SMAP1: variants seen among roughly 807,000 people sequenced by gnomAD.
SMAP1 encodes stromal membrane-associated protein 1.
A neutral mutation model predicts 58.5 loss-of-function variants in SMAP1; 24 were observed. The ratio of observed to expected loss-of-function variants is 0.41; its 90% CI spans 0.30 to 0.58. SMAP1 has a LOEUF of 0.58. SMAP1 is among the 20% of genes least tolerant of loss of function. The pLI is 0.29. For synonymous variants in SMAP1, 216 were observed against 196.6 expected, an observed-to-expected ratio of 1.10 and a Z score of -0.82; for missense variants, 563 against 566.3, an observed-to-expected ratio of 0.99 and a Z score of 0.06.
intron 4 of SMAP1, 141 bp downstream of exon 4, chr6:70,773,566 T>C (rs776704758): frequency 4.6e-5 from 24 of 524,276 alleles, no homozygotes; most frequent in Admixed American, 1.2e-4. Flanking sequence ...TTTTTGGTTA[T>C]ATAATGTTGA....
intron 6 of SMAP1, among the ~76,000 whole-genome samples, chr6:70,804,218 T>C (rs752341970): frequency 6.6e-6 from 1 of 152,186 alleles, no homozygotes; most frequent in African/African-American, 2.4e-5. Flanking sequence ...CTTATTGAAT[T>C]GATCCCTTTA....
chr6:70,846,310 T>C (rs1770986250), intron 7 of SMAP1, among the ~76,000 whole-genome samples: 1 of 152,114 alleles, frequency 6.6e-6, no homozygotes, highest in Non-Finnish European at 1.5e-5. Context: ...TTTCAATTAA[T>C]CATGTATTGA....
At chr6:70,821,065 C>T (rs1318254946) in intron 6 of SMAP1, among the ~76,000 whole-genome samples, 3 of 149,238 alleles carry the variant, frequency 2.0e-5, no homozygotes, top group Admixed American at 6.6e-5. Context: ...GTTAGGATTT[C>T]CCCCCCTCCC....
intron 6 of SMAP1, among the ~76,000 whole-genome samples, chr6:70,805,088 A>G (rs1384392101): frequency 1.3e-5 from 2 of 152,096 alleles, no homozygotes. Flanking sequence ...AATATCCTGA[A>G]GAGTGTTTTC....
intron 4 of SMAP1, among the ~76,000 whole-genome samples, chr6:70,781,995 T>C (rs1431639460): frequency 6.6e-6 from 1 of 152,218 alleles, no homozygotes; most frequent in Admixed American, 6.5e-5. Context: ...AGAAAACTCA[T>C]TTTGTTTCTG....
intron 1 of SMAP1, among the ~76,000 whole-genome samples, chr6:70,726,810 A>G (rs943850910): frequency 2.6e-5 from 4 of 151,992 alleles, no homozygotes; most frequent in Non-Finnish European, 5.9e-5. Flanking sequence ...CAGGATTTCC[A>G]TACCTTAAAA....
In SMAP1 at chr6:70,861,817, G is replaced by A. The variant is rs376377678; in HGVS notation, c.*1483G>A. On this transcript the variant is annotated 3_prime_UTR_variant, in exon 11 of 11. Coordinates refer to ENST00000370455, the MANE Select transcript of SMAP1 (RefSeq NM_001044305.3). ...TGACACTCGAGGTCGGGCAGCACAAGTGTAATGAATACCTTAGTGCAGTTA... is the reference window on the plus strand; with the variant it reads ...TGACACTCGAGGTCGGGCAGCACAAATGTAATGAATACCTTAGTGCAGTTA... 27 of 1,613,944 alleles carry A rather than the reference G, an allele frequency of 1.7e-5. No homozygotes were observed. In the African/African-American group the frequency reaches 3.3e-4, roughly 20 times the overall value.
chr6:70,740,715 G>A (rs1427226165), intron 2 of SMAP1, among the ~76,000 whole-genome samples: 1 of 152,086 alleles, frequency 6.6e-6, no homozygotes, highest in Non-Finnish European at 1.5e-5. Context: ...CAAGCTTATT[G>A]TGGCCCATTC....
intron 5 of SMAP1, among the ~76,000 whole-genome samples, chr6:70,795,938 A>G (rs746031470): frequency 6.6e-6 from 1 of 151,980 alleles, no homozygotes; most frequent in Non-Finnish European, 1.5e-5. Flanking sequence ...GGGTTTCATC[A>G]TGTTGGTCAG....
At chr6:70,719,810 C>A (rs760551739) in intron 1 of SMAP1, among the ~76,000 whole-genome samples, 2 of 152,074 alleles carry the variant, frequency 1.3e-5, no homozygotes, top group South Asian at 4.2e-4. Flanking sequence ...ATGAGAATAG[C>A]GTGGGAAAGA....
rs35977042 is a variant in SMAP1 at position 70,726,874 on chromosome 6, G to GGTGT, written c.119-5467_119-5464dup. On this transcript the variant is annotated intron_variant, in intron 1 of 10. Transcript: ENST00000370455. ...CATGTAATATTATACAAATTTTAGG[G>GGTGT]GTGTGTGTGTGTGTGTGTGTGTGTG... 3.9e-3 allele frequency among the ~76,000 whole-genome samples: 560 copies of GGTGT among 144,900 alleles called. 2 individuals carry two copies. Among genetic ancestry groups the GGTGT allele is most frequent in the South Asian group, 7.1e-3 (31 of 4,384 alleles).
intron 7 of SMAP1, among the ~76,000 whole-genome samples, chr6:70,850,836 C>G (rs1255771072): frequency 6.6e-6 from 1 of 151,962 alleles, no homozygotes; most frequent in African/African-American, 2.4e-5. Context: ...ATGTACTATA[C>G]ATCATGTAAA....
chr6:70,679,984 T>C (rs1346621356), intron 1 of SMAP1, among the ~76,000 whole-genome samples: 1 of 152,172 alleles, frequency 6.6e-6, no homozygotes, highest in African/African-American at 2.4e-5. Context: ...TTAACAGTTA[T>C]TAAAAAGCTA....
At chr6:70,814,637 A>T (rs985995678) in intron 6 of SMAP1, among the ~76,000 whole-genome samples, 2 of 152,046 alleles carry the variant, frequency 1.3e-5, no homozygotes, top group Admixed American at 6.6e-5. Flanking sequence ...CGTCCTGCCT[A>T]CCCACACTTA....
chr6:70,759,951 G>A (rs888382583), intron 3 of SMAP1: 7 of 406,534 alleles, frequency 1.7e-5, no homozygotes, highest in Middle Eastern at 3.5e-4. Flanking sequence ...AAAATAACTC[G>A]GTGACATAGA....
intron 6 of SMAP1, among the ~76,000 whole-genome samples, chr6:70,811,161 T>C (rs1769370955): frequency 6.6e-6 from 1 of 152,194 alleles, no homozygotes; most frequent in South Asian, 2.1e-4. Context: ...TTCTCAACTT[T>C]ACTGTTTACT....
intron 2 of SMAP1, among the ~76,000 whole-genome samples, chr6:70,737,633 C>T (rs560060147): frequency 1.0e-3 from 152 of 152,304 alleles, no homozygotes; most frequent in African/African-American, 3.3e-3. Context: ...GCAGTTAGAA[C>T]ATTTATCATA....
intron 1 of SMAP1, among the ~76,000 whole-genome samples, chr6:70,705,256 T>C (rs1767792714): frequency 6.6e-6 from 1 of 151,940 alleles, no homozygotes; most frequent in South Asian, 2.1e-4. Flanking sequence ...ATTATGATTT[T>C]TTTTTTTTTT....
intron 3 of SMAP1, among the ~76,000 whole-genome samples, chr6:70,763,031 A>G (rs1259250146): frequency 6.6e-6 from 1 of 151,496 alleles, no homozygotes; most frequent in Non-Finnish European, 1.5e-5. Flanking sequence ...CAGTATTTGT[A>G]AAACCATCGT....
Sources: gnomAD v4.1 joint callset for allele counts (sites outside exome capture counted in the v4.1 genomes callset) on GRCh38, gnomAD v4.1.1 for gene constraint, MANE v1.5 for transcripts, NCBI Gene and HGNC (gene_info 2026-07-23, HGNC 2026-07-21) for gene names.